SRPK2: variants seen among roughly 807,000 people sequenced by gnomAD.
SRPK2 encodes the protein SRSF protein kinase 2, also known as SFRS protein kinase 2.
SRPK2 carries 21 observed loss-of-function variants against 90.8 expected under a neutral mutation model. That is an observed-to-expected ratio of 0.23 (90% CI 0.16 to 0.33). The LOEUF is 0.33. Ranked by LOEUF, SRPK2 falls within the 10% of genes least tolerant of loss-of-function variation. SRPK2 has a pLI of 1.00. For missense variants in SRPK2, 620 were observed against 869.0 expected, an observed-to-expected ratio of 0.71 and a Z score of 3.60; for synonymous variants, 288 against 311.1, an observed-to-expected ratio of 0.93 and a Z score of 0.78.
chr7:105,243,148 C>G (rs568131968), intron 2 of SRPK2, among the ~76,000 whole-genome samples: 2 of 152,054 alleles, frequency 1.3e-5, no homozygotes, highest in East Asian at 3.9e-4. Flanking sequence ...ACTCCAGGCC[C>G]GCTACCATCC....
intron 2 of SRPK2, among the ~76,000 whole-genome samples, chr7:105,289,264 ACT>A (rs1471228759): frequency 2.6e-5 from 4 of 151,770 alleles, no homozygotes; most frequent in African/African-American, 9.7e-5. Flanking sequence ...ACAGAACAAG[ACT>A]CTGTCTCAAA....
chr7:105,272,426 A>G (rs1023396085), intron 2 of SRPK2, among the ~76,000 whole-genome samples: 25 of 152,224 alleles, frequency 1.6e-4, no homozygotes, highest in African/African-American at 5.8e-4. Flanking sequence ...AATATATTTT[A>G]AATTATGGTT....
chr7:105,271,978 C>T (rs1191090509), intron 2 of SRPK2, among the ~76,000 whole-genome samples: 2 of 152,110 alleles, frequency 1.3e-5, no homozygotes, highest in Non-Finnish European at 2.9e-5. Context: ...TCCAATTTTC[C>T]TCTAATATGC....
At chr7:105,269,697 A>G (rs1190844844) in intron 2 of SRPK2, among the ~76,000 whole-genome samples, 1 of 152,222 alleles carries the variant, frequency 6.6e-6, no homozygotes, top group South Asian at 2.1e-4. Context: ...AAGGGTGAAA[A>G]TAAGAGAGGG....
intron 3 of SRPK2, among the ~76,000 whole-genome samples, chr7:105,179,812 AAG>A (rs1563044069): frequency 7.6e-6 from 1 of 130,992 alleles, no homozygotes; most frequent in Non-Finnish European, 1.6e-5. Context: ...GCAACACAGT[AAG>A]AGTCCATCTC....
intron 2 of SRPK2, among the ~76,000 whole-genome samples, chr7:105,246,070 G>A (rs774114930): frequency 2.5e-4 from 38 of 151,986 alleles, no homozygotes; most frequent in Admixed American, 1.6e-3. Context: ...AGGTTACATC[G>A]GCAAAAATCC....
intron 2 of SRPK2, among the ~76,000 whole-genome samples, chr7:105,347,809 A>G (rs1816645937): frequency 6.6e-6 from 1 of 151,360 alleles, no homozygotes; most frequent in Admixed American, 6.6e-5. Flanking sequence ...GTGAGCTGAG[A>G]TGGCACCACT....
At chr7:105,364,085 A>G (rs1422621029) in intron 2 of SRPK2, among the ~76,000 whole-genome samples, 1 of 152,156 alleles carries the variant, frequency 6.6e-6, no homozygotes, top group African/African-American at 2.4e-5. Flanking sequence ...CCTAATGTAA[A>G]TGACAAGTTG....
chr7:105,285,339 C>T (rs577249880), intron 2 of SRPK2, among the ~76,000 whole-genome samples: 6 of 144,018 alleles, frequency 4.2e-5, no homozygotes, highest in African/African-American at 7.9e-5. Context: ...AAGCCAACAT[C>T]GTACCACTGC....
intron 3 of SRPK2, among the ~76,000 whole-genome samples, chr7:105,170,998 A>G (rs940040556): frequency 5.4e-5 from 7 of 130,456 alleles, no homozygotes; most frequent in African/African-American, 1.9e-4. Flanking sequence ...AAAGAAAGAG[A>G]AAGAAAGAAA....
chr7:105,296,104 G>A (rs1022722031), intron 2 of SRPK2, among the ~76,000 whole-genome samples: 3 of 152,144 alleles, frequency 2.0e-5, no homozygotes, highest in Admixed American at 2.0e-4. Flanking sequence ...GCTCTGAAGA[G>A]TACAAGAATA....
chr7:105,312,372 G>A (rs188503519), intron 2 of SRPK2, among the ~76,000 whole-genome samples: 68 of 145,338 alleles, frequency 4.7e-4, no homozygotes, highest in Non-Finnish European at 8.5e-4. Context: ...CCCAGGAGGC[G>A]GAGCTTGCGG....
At chr7:105,285,627 G>A (rs1807997229) in intron 2 of SRPK2, among the ~76,000 whole-genome samples, 1 of 152,138 alleles carries the variant, frequency 6.6e-6, no homozygotes, top group Admixed American at 6.5e-5. Flanking sequence ...GAATGGCTTA[G>A]CATTGTTCCC....
chr7:105,335,867 A>G (rs1262037584), intron 2 of SRPK2, among the ~76,000 whole-genome samples: 1 of 152,010 alleles, frequency 6.6e-6, no homozygotes, highest in Non-Finnish European at 1.5e-5. Flanking sequence ...GAGGCAGGAG[A>G]ATTGCTTGAA....
intron 2 of SRPK2, among the ~76,000 whole-genome samples, chr7:105,285,409 G>GA (rs1210468230): frequency 6.9e-6 from 1 of 145,448 alleles, no homozygotes; most frequent in Non-Finnish European, 1.5e-5. Context: ...AAAAAAAAAG[G>GA]AAAAGGAAAA....
chr7:105,367,873 T>C (rs1211201830), intron 2 of SRPK2, among the ~76,000 whole-genome samples: 1 of 152,156 alleles, frequency 6.6e-6, no homozygotes, highest in African/African-American at 2.4e-5. Flanking sequence ...ATAGTTCAAG[T>C]TTTTTCAAAC....
At chr7:105,361,082 A>G (rs1389769859) in intron 2 of SRPK2, among the ~76,000 whole-genome samples, 1 of 152,220 alleles carries the variant, frequency 6.6e-6, no homozygotes, top group African/African-American at 2.4e-5. Flanking sequence ...AGAAAACCCC[A>G]TCATCTCAGC....
intron 6 of SRPK2, among the ~76,000 whole-genome samples, chr7:105,165,463 A>G (rs1461679305): frequency 1.3e-5 from 2 of 152,070 alleles, no homozygotes; most frequent in African/African-American, 4.8e-5. Flanking sequence ...AAATGCACCA[A>G]TCAGTGCTCT....
At chr7:105,265,429 T>C (rs950664486) in intron 2 of SRPK2, among the ~76,000 whole-genome samples, 1 of 152,136 alleles carries the variant, frequency 6.6e-6, no homozygotes, top group South Asian at 2.1e-4. Context: ...CTTGAGCATC[T>C]GTGGATTTTG....
Sources: gnomAD v4.1 joint callset for allele counts (sites outside exome capture counted in the v4.1 genomes callset) on GRCh38, gnomAD v4.1.1 for gene constraint, MANE v1.5 for transcripts, NCBI Gene and HGNC (gene_info 2026-07-23, HGNC 2026-07-21) for gene names.